TMEM245: variants seen among roughly 807,000 people sequenced by gnomAD.
TMEM245 encodes the protein transmembrane protein 245, also known as protein CG-2.
A neutral mutation model predicts 101.2 loss-of-function variants in TMEM245; 69 were observed. The ratio of observed to expected loss-of-function variants is 0.68; its 90% CI spans 0.56 to 0.83. TMEM245 has a LOEUF of 0.83. TMEM245 is among the 40% of genes least tolerant of loss of function. The probability of loss-of-function intolerance (pLI) is 0.00; values close to 1 mark genes in which losing one functional copy is unlikely to be tolerated. For missense variants in TMEM245, 1,075 were observed against 1,092.8 expected, an observed-to-expected ratio of 0.98 and a Z score of 0.23; for synonymous variants, 537 against 449.8, an observed-to-expected ratio of 1.19 and a Z score of -2.45.
chr9:109,050,274 T>C lies in TMEM245; in HGVS notation c.2123+9A>G, dbSNP rs775560320. The C allele has an allele frequency of 1.7e-5, 27 of 1,613,792 alleles. No individual in the cohort carries two copies. Among genetic ancestry groups the C allele is most frequent in the Non-Finnish European group, 2.2e-5 (26 of 1,179,924 alleles). On this transcript the variant is annotated intron_variant, in intron 14 of 17. Transcript: ENST00000374586. ...GGAGAAATAAGAATAGCATAAACCT[T>C]ATCCCTACCTGATAGCTTCTTCCAC...
At chr9:109,079,627 T>A (rs1829611613) in intron 8 of TMEM245, among the ~76,000 whole-genome samples, 2 of 152,036 alleles carry the variant, frequency 1.3e-5, no homozygotes, top group African/African-American at 2.4e-5. Context: ...GTAATACTTG[T>A]TATCAAAGTT....
chr9:109,084,315 C>T (rs946408195), intron 7 of TMEM245, among the ~76,000 whole-genome samples: 2 of 151,970 alleles, frequency 1.3e-5, no homozygotes, highest in African/African-American at 2.4e-5. Context: ...GGAATGTACC[C>T]GCTCAAAATC....
In TMEM245 at chr9:109,036,465, C is replaced by T. The variant is rs1283094064; in HGVS notation, c.2225-85G>A. On this transcript the variant is annotated intron_variant, in intron 15 of 17. Transcript: ENST00000374586. ...AAGAATCTAAGCAGTAGCTCCTCCT[C>T]AACAACTTCCAACAAAACAAGTTAA... 3.2e-6 allele frequency: 4 copies of T among 1,257,646 alleles called. No homozygotes were observed. The South Asian group carries it at 7.3e-5, about 23-fold the overall frequency. The allele number at this position is 1,257,646 out of a possible 1,614,324, so 77.9% of individuals were successfully genotyped here.
intron 14 of TMEM245, 151 bp from the exon 15 acceptor site, chr9:109,038,268 C>T (rs1828198260): frequency 2.0e-6 from 1 of 500,182 alleles, no homozygotes. Context: ...TTCAAAGAAA[C>T]ATAAACACCT....
At chr9:109,048,502 A>G (rs1828569303) in intron 14 of TMEM245, among the ~76,000 whole-genome samples, 1 of 152,196 alleles carries the variant, frequency 6.6e-6, no homozygotes, top group African/African-American at 2.4e-5. Flanking sequence ...GTATGTGGAG[A>G]CAGAAATGCC....
At chr9:109,087,363 C>G (rs548183642) in intron 5 of TMEM245, 21 bp from the exon 6 acceptor site, 1 of 1,564,422 alleles carries the variant, frequency 6.4e-7, no homozygotes, top group African/African-American at 1.4e-5. Context: ...ACAAAAAATA[C>G]ATATATAAAC....
chr9:109,026,146 T>C (rs1345789103), intron 17 of TMEM245, among the ~76,000 whole-genome samples: 1 of 152,226 alleles, frequency 6.6e-6, no homozygotes, highest in Non-Finnish European at 1.5e-5. Context: ...CCACTAGGAA[T>C]TGAGCATTCT....
chr9:109,024,395 C>A (rs1196711375), intron 17 of TMEM245, among the ~76,000 whole-genome samples: 3 of 152,326 alleles, frequency 2.0e-5, no homozygotes, highest in African/African-American at 7.2e-5. Flanking sequence ...CACAAATTCA[C>A]CAAATCTTCA....
intron 12 of TMEM245, among the ~76,000 whole-genome samples, chr9:109,053,654 T>C (rs1419636398): frequency 6.6e-6 from 1 of 152,204 alleles, no homozygotes; most frequent in Non-Finnish European, 1.5e-5. Flanking sequence ...CCATCTCCAG[T>C]GGCTCTGCAG....
Position 109,119,161 on chromosome 9 carries a change from T to G in TMEM245, c.579+174A>C, listed in dbSNP as rs538846666. 1.7e-4 allele frequency among the ~76,000 whole-genome samples: 26 copies of G among 152,318 alleles called. 1 individual carries two copies. Among genetic ancestry groups the G allele is most frequent in the Admixed American group, 1.4e-3 (22 of 15,306 alleles). ...TTTCAAATCACGCCCGCCCCCTTTT[T>G]GGAAGAATGTCCGCCAAATTCCTGA... On this transcript the variant is annotated intron_variant, in intron 1 of 17. Transcript: ENST00000374586.
intron 9 of TMEM245, among the ~76,000 whole-genome samples, chr9:109,071,954 C>T (rs1391161985): frequency 6.6e-6 from 1 of 152,188 alleles, no homozygotes; most frequent in Non-Finnish European, 1.5e-5. Context: ...CTCTGCAGAA[C>T]ATATAATCTC....
intron 1 of TMEM245, among the ~76,000 whole-genome samples, chr9:109,109,628 T>C (rs1189871739): frequency 6.6e-6 from 1 of 152,148 alleles, no homozygotes; most frequent in Non-Finnish European, 1.5e-5. Flanking sequence ...AGAATTCAAC[T>C]TTCAGACTTT....
chr9:109,114,473 A>G (rs1394246324), intron 1 of TMEM245, among the ~76,000 whole-genome samples: 1 of 151,918 alleles, frequency 6.6e-6, no homozygotes, highest in Non-Finnish European at 1.5e-5. Flanking sequence ...ACTTTATGCA[A>G]TTGGGACTGA....
intron 3 of TMEM245, among the ~76,000 whole-genome samples, chr9:109,101,322 C>T (rs1371250679): frequency 6.6e-6 from 1 of 152,092 alleles, no homozygotes; most frequent in Admixed American, 6.6e-5. Context: ...CAACGGGACA[C>T]TGGAAATGAC....
chr9:109,090,526 TCCTGGCTAACATGG>T (rs927524463), intron 5 of TMEM245, among the ~76,000 whole-genome samples: 5 of 151,676 alleles, frequency 3.3e-5, no homozygotes, highest in African/African-American at 1.2e-4. Flanking sequence ...ATCGAGACTA[TCCTGGCTAACATGG>T]TGAAACGCTG....
chr9:109,092,298 C>CTTGCTAA (rs1830029456), intron 4 of TMEM245, among the ~76,000 whole-genome samples: 1 of 141,162 alleles, frequency 7.1e-6, no homozygotes, highest in African/African-American at 2.7e-5. Context: ...CATACAGTAG[C>CTTGCTAA]CCACCAAGTG....
In TMEM245 at chr9:109,064,567, A is replaced by C; in HGVS notation, c.1533T>G (p.Asn511Lys). Residue 511 changes from asparagine (N) to lysine (K), a missense_variant and splice_region_variant, in exon 10 of 18, where the codon AAT becomes AAG. Asn to Lys is a moderately conservative substitution (Grantham distance 94). Coordinates refer to ENST00000374586, the MANE Select transcript of TMEM245 (RefSeq NM_032012.4). ...ETLANHPEWA[N>K]WLPEAQVVQR... ...GGACTACCTGAGCCTCAGGAAGCCA[A>C]CTAATGTAAAACAAAGAAAAAAATG... 6.2e-7 allele frequency: 1 copy of C among 1,612,614 alleles called. No homozygotes were observed. The highest frequency in any genetic ancestry group is 8.5e-7 in the Non-Finnish European group (1 of 1,179,382).
rs548828511 is a variant in TMEM245 at position 109,115,138 on chromosome 9, G to A, written c.579+4197C>T. Among the ~76,000 whole-genome samples the A allele has an allele frequency of 5.3e-5, 8 of 152,250 alleles. No individual in the cohort carries two copies. The East Asian group carries it at 1.5e-3, about 29-fold the overall frequency. ...AAGGAAGGTGGATCACCTGAGGTCA[G>A]GAGTTCAAGACCAGCCTGGCCAACA... On this transcript the variant is annotated intron_variant, in intron 1 of 17. Coordinates refer to ENST00000374586, the MANE Select transcript of TMEM245 (RefSeq NM_032012.4).
intron 4 of TMEM245, among the ~76,000 whole-genome samples, chr9:109,092,262 G>A (rs1830028474): frequency 6.6e-6 from 1 of 152,290 alleles, no homozygotes; most frequent in African/African-American, 2.4e-5. Context: ...TGACTTCCCT[G>A]TTGTTTCATA....
Sources: gnomAD v4.1 joint callset for allele counts (sites outside exome capture counted in the v4.1 genomes callset) on GRCh38, gnomAD v4.1.1 for gene constraint, MANE v1.5 for transcripts, NCBI Gene and HGNC (gene_info 2026-07-23, HGNC 2026-07-21) for gene names.